Variants in CASKIN2 observed in about 807,000 individuals in gnomAD.
CASKIN2 encodes caskin-2.
CASKIN2 carries 41 observed loss-of-function variants against 107.1 expected under a neutral mutation model. That is an observed-to-expected ratio of 0.38 (90% CI 0.30 to 0.50). The LOEUF is 0.50. Ranked by LOEUF, CASKIN2 falls within the 20% of genes least tolerant of loss-of-function variation. The pLI is 0.92. For synonymous variants in CASKIN2, 724 were observed against 705.6 expected, an observed-to-expected ratio of 1.03 and a Z score of -0.41; for missense variants, 1,546 against 1,657.4, an observed-to-expected ratio of 0.93 and a Z score of 1.17.
Position 75,505,599 on chromosome 17 carries a change from G to A in CASKIN2, c.888C>T (p.His296=), listed in dbSNP as rs759823058. The stretch of plus-strand genomic sequence containing the variant: ...CCCGGACATTGAGAGCAGTGGGATC[G>A]TGGAGGTTCCAGAAATCCTTGAGCG... The part of the protein sequence containing the change: ...VRALKDFWNL[H]DPTALNVRAG... The change falls in exon 10 of 20, where the codon CAC becomes CAT. Residue 296 remains histidine (H), a synonymous_variant. Coordinates refer to ENST00000321617, the MANE Select transcript of CASKIN2 (RefSeq NM_020753.5). This position sits in a 1 kb window ranked among gnomAD's most constrained non-coding sequence, Gnocchi z 5.1. 6.8e-6 allele frequency: 11 copies of A among 1,613,484 alleles called. No individual in the cohort carries two copies. Among genetic ancestry groups the A allele is most frequent in the South Asian group, 2.2e-5 (2 of 91,086 alleles).
chr17:75,507,652 C>A lies in CASKIN2; in HGVS notation c.176G>T (p.Gly59Val), dbSNP rs1354671819. 6.2e-7 allele frequency: 1 copy of A among 1,612,974 alleles called. No individual in the cohort carries two copies. The highest frequency in any genetic ancestry group is 1.1e-5 in the South Asian group (1 of 91,016). The change falls in exon 4 of 20, where the codon GGG (glycine) becomes GTG (valine). Residue 59 changes from glycine to valine, a missense_variant. By Grantham distance (109) the Gly-to-Val change is moderately radical (BLOSUM62 -3). Transcript: ENST00000321617. Reference sequence around the variant, plus strand: ...CAAGGCTATGAGCTCCAGGCTGCCCCCCAAAGCAGCGTGGTGGAGGGCAGA... The same window carrying A: ...CAAGGCTATGAGCTCCAGGCTGCCCACCAAAGCAGCGTGGTGGAGGGCAGA... Reference protein sequence around the residue: ...GFSALHHAALGGSLELIALLL... With the variant: ...GFSALHHAALVGSLELIALLL...
In CASKIN2 at chr17:75,504,708, A is replaced by G; in HGVS notation, c.1193-15T>C. On this transcript the variant is annotated splice_polypyrimidine_tract_variant and intron_variant, in intron 11 of 19. Coordinates refer to ENST00000321617, the MANE Select transcript of CASKIN2 (RefSeq NM_020753.5). ...CCTGTCACCTGCTGTGGGGGGCAGAAGCCAAGGGGTCAGAGTCCCAAGTGT... is the reference window on the plus strand; with the variant it reads ...CCTGTCACCTGCTGTGGGGGGCAGAGGCCAAGGGGTCAGAGTCCCAAGTGT... The G allele has an allele frequency of 6.3e-7, 1 of 1,584,714 alleles. No individual in the cohort carries two copies. The highest frequency in any genetic ancestry group is 8.6e-7 in the Non-Finnish European group (1 of 1,161,882).
intron 3 of CASKIN2, 63 bp downstream of exon 3, chr17:75,508,171 C>T: frequency 6.4e-7 from 1 of 1,570,968 alleles, no homozygotes; most frequent in South Asian, 1.1e-5. Context: ...CCTCCAGCCC[C>T]ACCCCTGGGG....
At chr17:75,503,351 C>T in intron 17 of CASKIN2, 38 bp downstream of exon 17, 1 of 1,595,260 alleles carries the variant, frequency 6.3e-7, no homozygotes, top group Non-Finnish European at 8.6e-7. Flanking sequence ...ACCCCGGAGG[C>T]AGGTGGGGGC....
intron 2 of CASKIN2, among the ~76,000 whole-genome samples, chr17:75,509,361 A>C (rs2053297797): frequency 6.6e-6 from 1 of 152,192 alleles, no homozygotes; most frequent in African/African-American, 2.4e-5. Context: ...CCTGCCCCCC[A>C]GGCTCTGGTG....
At chr17:75,509,855 C>T (rs1273091310) in intron 2 of CASKIN2, 3 of 985,570 alleles carry the variant, frequency 3.0e-6, no homozygotes, top group Non-Finnish European at 1.2e-6. Context: ...AGCTGGGTGG[C>T]GGGATGCAGT....
intron 2 of CASKIN2, 127 bp from the exon 3 acceptor site, chr17:75,508,412 G>C (rs1240897263): frequency 9.8e-7 from 1 of 1,019,014 alleles, no homozygotes; most frequent in East Asian, 2.6e-5. Context: ...ATGGCCTTCC[G>C]CCTGTCCCGT....
In CASKIN2 at chr17:75,503,461, C is replaced by G. The variant is rs775600592; in HGVS notation, c.1747G>C (p.Gly583Arg). ...GCCACCAGCCCCATGGAGTCGTAGCCGCTGCTCACCAGCTGCTTGTGGTAC... is the reference window on the plus strand; with the variant it reads ...GCCACCAGCCCCATGGAGTCGTAGCGGCTGCTCACCAGCTGCTTGTGGTAC... ...PQYHKQLVSS[G>R]YDSMGLVADL... Residue 583 changes from glycine to arginine, a missense_variant, in exon 17 of 20, where the codon GGC becomes CGC. This residue lies in a region of CASKIN2 where 1,311 missense variants were observed against 1,311.0 expected (regional missense o/e 1.00). Transcript: ENST00000321617. The G allele has an allele frequency of 6.2e-7, 1 of 1,612,816 alleles. No individual in the cohort carries two copies. The highest frequency in any genetic ancestry group is 8.5e-7 in the Non-Finnish European group (1 of 1,179,940).
chr17:75,502,624 C>T lies in CASKIN2; in HGVS notation c.2450G>A (p.Gly817Glu). The T allele has an allele frequency of 6.2e-7, 1 of 1,604,968 alleles. No homozygotes were observed. Among genetic ancestry groups the T allele is most frequent in the South Asian group, 1.1e-5 (1 of 89,822 alleles). ...TEGDAEGEAE[G>E]PVGSTLGSYA... ...ACTGCCTAGGGTGCTGCCCACTGGC[C>T]CTTCGGCCTCCCCCTCAGCATCCCC... Residue 817 changes from glycine to glutamate, a missense_variant, in exon 18 of 20, where the codon GGG (glycine) becomes GAG (glutamate). By Grantham distance (98) the Gly-to-Glu change is moderately conservative. Coordinates refer to ENST00000321617, the MANE Select transcript of CASKIN2 (RefSeq NM_020753.5). This position sits in a 1 kb window ranked among gnomAD's most constrained non-coding sequence, Gnocchi z 4.3.
Position 75,506,864 on chromosome 17 carries a change from G to C in CASKIN2, c.421C>G (p.Pro141Ala). ...TTCTTGGCCTTGTTGACCAGGCATG[G>C]GTTGGACTGATGCTGGAGGAGCATT... is the stretch of plus-strand genomic sequence containing the variant. ...SEMLLQHQSN[P>A]CLVNKAKKTP... is the part of the protein sequence containing the mutation. Residue 141 changes from proline to alanine, a missense_variant, in exon 6 of 20, where the codon CCA becomes GCA. Physicochemically the swap from Pro to Ala is conservative, Grantham distance 27. Transcript: ENST00000321617. This position sits in a 1 kb window ranked among gnomAD's most constrained non-coding sequence, Gnocchi z 4.8. 3 of 1,612,716 alleles carry C rather than the reference G, an allele frequency of 1.9e-6. No homozygotes were observed. The South Asian group carries it at 3.3e-5, about 18-fold the overall frequency.
Position 75,506,660 on chromosome 17 carries a change from C to T in CASKIN2, c.540G>A (p.Glu180=), listed in dbSNP as rs768504076. The part of the protein sequence containing the change: ...SHLCVALLEG[E]AKDPCDPNYT... ...AGTTGGGGTCACACGGGTCTTTGGC[C>T]TCACCCTCCAGCAGTGCCACACATA... is the stretch of plus-strand genomic sequence containing the variant. The change falls in exon 7 of 20, where the codon GAG becomes GAA. Residue 180 remains glutamate, a synonymous_variant. Coordinates refer to ENST00000321617, the MANE Select transcript of CASKIN2 (RefSeq NM_020753.5). The surrounding 1 kb of genome is among the most constrained non-coding windows in gnomAD (Gnocchi z 4.8). 4 of 1,613,470 alleles carry T rather than the reference C, an allele frequency of 2.5e-6. No individual in the cohort carries two copies. Among genetic ancestry groups the T allele is most frequent in the South Asian group, 2.2e-5 (2 of 91,078 alleles).
intron 11 of CASKIN2, 41 bp from the exon 12 acceptor site, chr17:75,504,734 C>T (rs550088731): frequency 1.1e-5 from 18 of 1,577,412 alleles, no homozygotes; most frequent in African/African-American, 9.4e-5. Context: ...TCCCAAGTGT[C>T]GCTCTGACAG....
intron 3 of CASKIN2, 99 bp downstream of exon 3, chr17:75,508,135 A>G: frequency 1.5e-6 from 2 of 1,320,994 alleles, no homozygotes; most frequent in East Asian, 2.4e-5. Flanking sequence ...TGAGAGGGAA[A>G]GGGACCCTGG....
Position 75,502,821 on chromosome 17 carries a change from G to A in CASKIN2, c.2253C>T (p.Pro751=). Residue 751 remains proline (P), a synonymous_variant, in exon 18 of 20, where the codon CCC becomes CCT. Coordinates refer to ENST00000321617, the MANE Select transcript of CASKIN2 (RefSeq NM_020753.5). This position sits in a 1 kb window ranked among gnomAD's most constrained non-coding sequence, Gnocchi z 4.3. ...KLCSSLPGQG[P]PPYVFMYPQG... is the part of the protein sequence containing the mutation. ...GGGGGTACATAAAAACATAGGGTGG[G>A]GGTCCTTGGCCAGGAAGTGAAGAAC... 6.4e-7 allele frequency: 1 copy of A among 1,563,376 alleles called. No homozygotes were observed.
In CASKIN2 at chr17:75,501,522, A is replaced by G. The variant is rs768471830; in HGVS notation, c.3464T>C (p.Leu1155Pro). 6.2e-7 allele frequency: 1 copy of G among 1,612,400 alleles called. No homozygotes were observed. Among genetic ancestry groups the G allele is most frequent in the Non-Finnish European group, 8.5e-7 (1 of 1,179,558 alleles). ...CTCTGCGGCTCTCAGTGCAGCTGCCAGGGACGAGCTGGTCTGCTCCAGTCT... is the reference window on the plus strand; with the variant it reads ...CTCTGCGGCTCTCAGTGCAGCTGCCGGGGACGAGCTGGTCTGCTCCAGTCT... ...QQRLEQTSSS[L>P]AAALRAAEKS... Residue 1155 changes from leucine to proline, a missense_variant, in exon 19 of 20, where the codon CTG becomes CCG. Physicochemically the swap from Leu to Pro is moderately conservative, Grantham distance 98. This residue lies in a region of CASKIN2 where 1,311 missense variants were observed against 1,311.0 expected (regional missense o/e 1.00). Transcript: ENST00000321617.
In CASKIN2 at chr17:75,503,464, T is replaced by C; in HGVS notation, c.1744A>G (p.Ser582Gly). 1.2e-6 allele frequency: 2 copies of C among 1,612,842 alleles called. No individual in the cohort carries two copies. The highest frequency in any genetic ancestry group is 2.2e-5 in the East Asian group (1 of 44,876). Reference protein sequence around the residue: ...LPQYHKQLVSSGYDSMGLVAD... With the variant: ...LPQYHKQLVSGGYDSMGLVAD... The stretch of plus-strand genomic sequence containing the variant: ...ACCAGCCCCATGGAGTCGTAGCCGC[T>C]GCTCACCAGCTGCTTGTGGTACTGT... The change falls in exon 17 of 20, where the codon AGC (serine) becomes GGC (glycine). Residue 582 changes from serine to glycine, a missense_variant. Transcript: ENST00000321617.
intron 2 of CASKIN2, among the ~76,000 whole-genome samples, 196 bp from the exon 3 acceptor site, chr17:75,508,481 A>ATGC (rs141311420): frequency 0.084 from 12,829 of 152,276 alleles, 591 homozygotes; most frequent in Non-Finnish European, 0.1. Context: ...TGAGGGCAGG[A>ATGC]TGCTGCTGCG....
rs748235779 is a variant in CASKIN2 at position 75,507,089 on chromosome 17, C to T, written c.285G>A (p.Leu95=). The change falls in exon 5 of 20, where the codon CTG becomes CTA. Residue 95 remains leucine (L), a synonymous_variant. Transcript: ENST00000321617. ...PLHYAAWQGR[L]EPVRLLLRAS... The stretch of plus-strand genomic sequence containing the variant: ...CGCGCAGCAGCAGCCTCACAGGCTC[C>T]AGCCGGCCCTGCCAGGCTGCGTAGT... 1.2e-6 allele frequency: 2 copies of T among 1,611,360 alleles called. No homozygotes were observed. Among genetic ancestry groups the T allele is most frequent in the South Asian group, 1.1e-5 (1 of 90,958 alleles).
At chr17:75,510,416 G>A (rs1025730443) in intron 2 of CASKIN2, among the ~76,000 whole-genome samples, 5 of 152,046 alleles carry the variant, frequency 3.3e-5, no homozygotes, top group Non-Finnish European at 7.4e-5. Context: ...GAGTCCTGAC[G>A]CCTCCCTTTT....
Sources: gnomAD v4.1 joint callset for allele counts (sites outside exome capture counted in the v4.1 genomes callset) on GRCh38, gnomAD v4.1.1 for gene constraint, gnomAD v4.1.1 regional missense constraint, Gnocchi (gnomAD v3.1) non-coding constraint, MANE v1.5 for transcripts, NCBI Gene and HGNC (gene_info 2026-07-23, HGNC 2026-07-21) for gene names.